The following LRRC72 variants were observed in gnomAD, a reference collection of about 807,000 sequenced individuals.
The protein encoded by LRRC72 is leucine-rich repeat-containing protein 72.
LRRC72 carries 41 observed loss-of-function variants against 35.8 expected under a neutral mutation model. The observed-to-expected ratio is 1.15, with a 90% CI of 0.89 to 1.49. The LOEUF is 1.49. Among genes scored for constraint, LRRC72 ranks in the 40% most tolerant of loss-of-function variants. The pLI, the probability that LRRC72 is intolerant of heterozygous loss-of-function variation, is 0.00. For synonymous variants in LRRC72, 118 were observed against 119.2 expected (o/e 0.99, Z 0.07); for missense variants, 389 against 330.7 (o/e 1.18, Z -1.37).
chr7:16,577,791 T>C (rs1226760644), intron 7 of LRRC72, among the ~76,000 whole-genome samples: 1 of 152,148 alleles, frequency 6.6e-6, no homozygotes, highest in Non-Finnish European at 1.5e-5. Context: ...TAAATAATGA[T>C]CAGCTTCACT....
chr7:16,558,938 G>T lies in LRRC72; in HGVS notation c.366G>T (p.Glu122Asp). 6.5e-7 allele frequency: 1 copy of T among 1,537,408 alleles called. No individual in the cohort carries two copies. Among genetic ancestry groups the T allele is most frequent in the Non-Finnish European group, 8.8e-7 (1 of 1,138,852 alleles). ...ATATACTCCTGCTACACCACAATGA[G>T]CTAACCAACATTGATGCAACAGTGA... ...SLHILLLHHN[E>D]LTNIDATVKE... is the part of the protein sequence containing the mutation. The change falls in exon 5 of 9, where the codon GAG becomes GAT. Residue 122 changes from glutamate (E) to aspartate (D), a missense_variant. Physicochemically the swap from Glu to Asp is conservative, Grantham distance 45 (BLOSUM62 2). Coordinates refer to ENST00000401542, the MANE Select transcript of LRRC72 (RefSeq NM_001195280.2).
chr7:16,554,373 T>A (rs1782612288), intron 3 of LRRC72, among the ~76,000 whole-genome samples: 1 of 152,208 alleles, frequency 6.6e-6, no homozygotes, highest in Non-Finnish European at 1.5e-5. Flanking sequence ...TAATAATAGC[T>A]GAGTATCAGG....
At chr7:16,535,211 T>C (rs991723129) in intron 2 of LRRC72, among the ~76,000 whole-genome samples, 3 of 152,112 alleles carry the variant, frequency 2.0e-5, no homozygotes, top group African/African-American at 7.2e-5. Context: ...AAAGTTGTTT[T>C]GGAAGAGTCT....
At chr7:16,545,834 T>C (rs1471743800) in intron 3 of LRRC72, among the ~76,000 whole-genome samples, 2 of 152,158 alleles carry the variant, frequency 1.3e-5, no homozygotes, top group African/African-American at 4.8e-5. Context: ...AGTTATGTTT[T>C]TAATGATTTA....
At chr7:16,536,431 T>C (rs1782258881) in intron 2 of LRRC72, among the ~76,000 whole-genome samples, 1 of 152,140 alleles carries the variant, frequency 6.6e-6, no homozygotes, top group Non-Finnish European at 1.5e-5. Context: ...ATATAGGAGA[T>C]ACACATGCTG....
intron 5 of LRRC72, among the ~76,000 whole-genome samples, chr7:16,559,425 T>C (rs1167780223): frequency 6.6e-6 from 1 of 151,468 alleles, no homozygotes; most frequent in Admixed American, 6.6e-5. Context: ...TTCCTGAAAA[T>C]AAGGCTAGAT....
At chr7:16,540,394 C>T (rs1782336557) in intron 3 of LRRC72, among the ~76,000 whole-genome samples, 1 of 152,192 alleles carries the variant, frequency 6.6e-6, no homozygotes, top group Non-Finnish European at 1.5e-5. Flanking sequence ...AATTGCTCTT[C>T]ATTTTACAGG....
intron 5 of LRRC72, among the ~76,000 whole-genome samples, chr7:16,564,232 C>G (rs1462182762): frequency 1.3e-5 from 2 of 152,172 alleles, no homozygotes; most frequent in Non-Finnish European, 2.9e-5. Flanking sequence ...AAGACAGTAA[C>G]CACAAAGCAG....
intron 7 of LRRC72, among the ~76,000 whole-genome samples, chr7:16,569,397 A>C (rs1312891592): frequency 2.0e-5 from 3 of 152,078 alleles, no homozygotes; most frequent in African/African-American, 2.4e-5. Context: ...CCTGGGCAAC[A>C]AGAGCGAAAC....
intron 3 of LRRC72, among the ~76,000 whole-genome samples, chr7:16,551,507 T>C (rs10240269): frequency 0.68 from 103,971 of 151,994 alleles, 35,695 homozygotes; most frequent in East Asian, 0.8. Context: ...TTCTGCTTCC[T>C]GGAAGCCCTA....
intron 7 of LRRC72, among the ~76,000 whole-genome samples, chr7:16,568,250 C>A (rs1200119142): frequency 6.6e-6 from 1 of 152,076 alleles, no homozygotes; most frequent in Non-Finnish European, 1.5e-5. Flanking sequence ...GCTGGTGTAC[C>A]CCCAAGCCTC....
chr7:16,551,681 G>A (rs551280919), intron 3 of LRRC72, among the ~76,000 whole-genome samples: 3 of 152,230 alleles, frequency 2.0e-5, no homozygotes, highest in East Asian at 1.9e-4. Context: ...GTGGTACCCG[G>A]GGGGAGGGCA....
Position 16,567,445 on chromosome 7 carries a change from C to T in LRRC72, c.572C>T (p.Ala191Val), listed in dbSNP as rs1247892205. The change falls in exon 7 of 9, where the codon GCT becomes GTT. Residue 191 changes from alanine to valine, a missense_variant. Ala to Val is a moderately conservative substitution (Grantham distance 64). Coordinates refer to ENST00000401542, the MANE Select transcript of LRRC72 (RefSeq NM_001195280.2). ...ATTACCATTTTTAACCATAAAAAGG[C>T]TCATATCGTTCAATCAATAGCATTC... ...SMITIFNHKK[A>V]HIVQSIAFGG... 10 of 1,525,092 alleles carry T rather than the reference C, an allele frequency of 6.6e-6. No individual in the cohort carries two copies. The highest frequency in any genetic ancestry group is 2.1e-5 in the Admixed American group (1 of 46,862). 94.5% of individuals were successfully genotyped at this position (1,525,092 alleles called of 1,614,324 possible). A position where few individuals can be genotyped will look rare whatever the true frequency, so the allele number is the denominator to read the frequency against.
intron 7 of LRRC72, among the ~76,000 whole-genome samples, chr7:16,570,145 T>A (rs73308793): frequency 0.054 from 8,156 of 152,192 alleles, 749 homozygotes; most frequent in African/African-American, 0.19. Context: ...ACTAGGCAAA[T>A]GTTCTTTTGA....
intron 7 of LRRC72, among the ~76,000 whole-genome samples, chr7:16,568,725 C>A (rs150488994): frequency 1.3e-4 from 20 of 152,190 alleles, no homozygotes; most frequent in East Asian, 7.7e-4. Context: ...ACAACAACAA[C>A]AACAAGAGTC....
chr7:16,549,891 T>A (rs1782518220), intron 3 of LRRC72, among the ~76,000 whole-genome samples: 1 of 152,160 alleles, frequency 6.6e-6, no homozygotes, highest in African/African-American at 2.4e-5. Flanking sequence ...CATTAATGAT[T>A]CCTGTTAGAG....
chr7:16,564,333 CCTTTT>C (rs1170410184), intron 5 of LRRC72, among the ~76,000 whole-genome samples: 3 of 152,186 alleles, frequency 2.0e-5, no homozygotes, highest in Admixed American at 6.5e-5. Context: ...TGAAGAGGGT[CCTTTT>C]CTTTACTTTC....
chr7:16,562,814 C>A (rs1427551756), intron 5 of LRRC72, among the ~76,000 whole-genome samples: 1 of 152,212 alleles, frequency 6.6e-6, no homozygotes, highest in Non-Finnish European at 1.5e-5. Context: ...AAAGAACCAA[C>A]AGTGTTTTTC....
chr7:16,532,769 G>T, intron 2 of LRRC72: 1 of 635,992 alleles, frequency 1.6e-6, no homozygotes, highest in South Asian at 1.6e-5. Flanking sequence ...AAAAAATTAT[G>T]GAGACAGGCT....
Sources: gnomAD v4.1 joint callset for allele counts (sites outside exome capture counted in the v4.1 genomes callset) on GRCh38, gnomAD v4.1.1 for gene constraint, MANE v1.5 for transcripts, NCBI Gene and HGNC (gene_info 2026-07-23, HGNC 2026-07-21) for gene names.